Variants in MCTP2 observed in about 807,000 individuals in gnomAD.
The protein encoded by MCTP2 is multiple C2 and transmembrane domain-containing protein 2.
MCTP2 carries 132 observed loss-of-function variants against 111.6 expected under a neutral mutation model. The observed-to-expected ratio is 1.18, with a 90% CI of 1.03 to 1.37. MCTP2 has a LOEUF of 1.37. Among genes scored for constraint, MCTP2 ranks in the 40% most tolerant of loss-of-function variants. MCTP2 has a pLI of 0.00. For missense variants in MCTP2, 1,183 were observed against 1,067.9 expected (o/e 1.11, Z -1.50); for synonymous variants, 395 against 387.7 (o/e 1.02, Z -0.22).
At chr15:94,466,781 ATTATATTT>A (rs1416392758) in intron 20 of MCTP2, among the ~76,000 whole-genome samples, 2 of 151,862 alleles carry the variant, frequency 1.3e-5, no homozygotes, top group Non-Finnish European at 2.9e-5. Context: ...TTTACAGTGT[ATTATATTT>A]TTATTTTCAT....
intron 1 of MCTP2, among the ~76,000 whole-genome samples, chr15:94,279,895 G>A (rs2074392977): frequency 6.6e-6 from 1 of 152,104 alleles, no homozygotes. Flanking sequence ...CTATTTATGC[G>A]ATGAATCACA....
intron 1 of MCTP2, among the ~76,000 whole-genome samples, chr15:94,243,912 T>C (rs1397466446): frequency 8.1e-6 from 1 of 123,498 alleles, no homozygotes; most frequent in Non-Finnish European, 1.9e-5. Context: ...CATACATATG[T>C]GTATATATTT....
intron 2 of MCTP2, among the ~76,000 whole-genome samples, chr15:94,300,509 CAAAA>C (rs34484349): frequency 7.9e-6 from 1 of 126,390 alleles, no homozygotes. Flanking sequence ...GACTCTGTCT[CAAAA>C]AAAAAAAAAA....
At chr15:94,323,719 A>G (rs1247134823) in intron 4 of MCTP2, among the ~76,000 whole-genome samples, 1 of 152,140 alleles carries the variant, frequency 6.6e-6, no homozygotes, top group Non-Finnish European at 1.5e-5. Context: ...TGGTCCAGGC[A>G]TGGCATTGAG....
At chr15:94,318,272 AT>A (rs199556945) in intron 4 of MCTP2, among the ~76,000 whole-genome samples, 42 of 143,192 alleles carry the variant, frequency 2.9e-4, no homozygotes, top group African/African-American at 7.0e-4. Flanking sequence ...CAAAAAAAAA[AT>A]TTTTTTTTTT....
Position 94,355,390 on chromosome 15 carries a change from A to T in MCTP2, c.1006-747A>T, listed in dbSNP as rs113574877. Among the ~76,000 whole-genome samples the T allele has an allele frequency of 2.7e-3, 413 of 152,348 alleles. 2 individuals are homozygous for T. The highest frequency in any genetic ancestry group is 7.6e-3 in the African/African-American group (317 of 41,580). On this transcript the variant is annotated intron_variant, in intron 8 of 22. Coordinates refer to ENST00000357742, the MANE Select transcript of MCTP2 (RefSeq NM_001385001.1). Reference sequence around the variant, plus strand: ...TTTGAAAATTTACATAGTGGAAATTAAAAAATGAAGTGTGACTACTCTATT... The same window carrying T: ...TTTGAAAATTTACATAGTGGAAATTTAAAAATGAAGTGTGACTACTCTATT...
chr15:94,297,161 G>A (rs1382767637), intron 1 of MCTP2, among the ~76,000 whole-genome samples: 1 of 152,164 alleles, frequency 6.6e-6, no homozygotes, highest in Non-Finnish European at 1.5e-5. Flanking sequence ...CATACTGAAA[G>A]GATTTATTAT....
chr15:94,364,194 T>C (rs1480306179), intron 10 of MCTP2, among the ~76,000 whole-genome samples: 1 of 152,048 alleles, frequency 6.6e-6, no homozygotes, highest in Non-Finnish European at 1.5e-5. Context: ...AAGGTTTTTT[T>C]TGGGAAAAAA....
At chr15:94,421,459 G>A (rs909760903) in intron 17 of MCTP2, among the ~76,000 whole-genome samples, 1 of 152,196 alleles carries the variant, frequency 6.6e-6, no homozygotes, top group African/African-American at 2.4e-5. Flanking sequence ...GAGGTCAGAA[G>A]TCTAACCCTG....
chr15:94,236,377 CTTTTTTTTTTTTTTTTT>C (rs71132992), intron 1 of MCTP2, among the ~76,000 whole-genome samples: 8 of 72,464 alleles, frequency 1.1e-4, no homozygotes, highest in Non-Finnish European at 1.8e-4. Flanking sequence ...TCTTTTTTTT[CTTTTTTTTTTTTTTTTT>C]TTTTTTTTTT....
At chr15:94,476,081 A>G (rs546987877) in intron 21 of MCTP2, among the ~76,000 whole-genome samples, 2 of 152,176 alleles carry the variant, frequency 1.3e-5, no homozygotes, top group African/African-American at 2.4e-5. Flanking sequence ...TACAATCAAC[A>G]TGTCAGGTTC....
intron 1 of MCTP2, among the ~76,000 whole-genome samples, chr15:94,283,091 G>T (rs74418469): frequency 0.017 from 2,529 of 152,240 alleles, 66 homozygotes; most frequent in African/African-American, 0.057. Flanking sequence ...GTGCACACCG[G>T]CAGAGGTCTT....
chr15:94,387,346 C>T (rs368884458), intron 14 of MCTP2, among the ~76,000 whole-genome samples: 2 of 151,838 alleles, frequency 1.3e-5, no homozygotes, highest in East Asian at 3.9e-4. Context: ...TAACGCCTGC[C>T]CACATCCCTG....
intron 1 of MCTP2, among the ~76,000 whole-genome samples, chr15:94,243,038 CGTGT>C (rs2071142893): frequency 1.6e-5 from 1 of 62,336 alleles, no homozygotes; most frequent in Non-Finnish European, 3.7e-5. Context: ...TACACATACA[CGTGT>C]ATATGTGTAT....
chr15:94,369,380 G>A (rs1460377386), intron 11 of MCTP2, among the ~76,000 whole-genome samples: 1 of 152,158 alleles, frequency 6.6e-6, no homozygotes, highest in Non-Finnish European at 1.5e-5. Flanking sequence ...GTGTTCTGGA[G>A]GCAGGAGAAG....
intron 4 of MCTP2, among the ~76,000 whole-genome samples, chr15:94,320,287 C>A (rs1273150486): frequency 1.3e-5 from 2 of 152,080 alleles, no homozygotes; most frequent in East Asian, 3.9e-4. Context: ...GGACTACAGG[C>A]ACCCGCCACC....
chr15:94,268,347 AT>A (rs59728541), intron 1 of MCTP2, among the ~76,000 whole-genome samples: 5,157 of 144,164 alleles, frequency 0.036, 279 homozygotes, highest in African/African-American at 0.12. Context: ...TACCTGGCTA[AT>A]TTTTTTTTTT....
intron 1 of MCTP2, among the ~76,000 whole-genome samples, chr15:94,290,844 C>T (rs752634391): frequency 1.5e-4 from 23 of 152,250 alleles, no homozygotes; most frequent in Non-Finnish European, 2.4e-4. Context: ...AGGGTTAGTT[C>T]GGGAAGAAGC....
At chr15:94,384,914 C>T (rs1166755359) in intron 13 of MCTP2, among the ~76,000 whole-genome samples, 1 of 152,098 alleles carries the variant, frequency 6.6e-6, no homozygotes, top group Non-Finnish European at 1.5e-5. Flanking sequence ...TTTCATTGTC[C>T]CTGGTATCTG....
Sources: allele counts gnomAD v4.1 joint callset (sites outside exome capture counted in the v4.1 genomes callset), GRCh38; gene constraint gnomAD v4.1.1; transcripts MANE v1.5; gene names NCBI Gene and HGNC (gene_info 2026-07-23, HGNC 2026-07-21).